The following RSPO2 variants were observed in gnomAD, a reference collection of about 807,000 sequenced individuals.
RSPO2 encodes the protein R-spondin 2, also known as R-spondin-2.
RSPO2 carries 14 observed loss-of-function variants against 30.9 expected under a neutral mutation model. The ratio of observed to expected loss-of-function variants is 0.45; its 90% CI spans 0.30 to 0.71. The LOEUF (loss-of-function observed/expected upper bound fraction) is 0.71, where lower values mean the gene tolerates loss of function less well. RSPO2 is among the 30% of genes least tolerant of loss of function. The pLI is 0.08. For missense variants in RSPO2, 264 were observed against 301.9 expected (o/e 0.87, Z 0.93); for synonymous variants, 107 against 96.4 (o/e 1.11, Z -0.64).
At chr8:108,019,216 T>A (rs1030332883) in intron 2 of RSPO2, among the ~76,000 whole-genome samples, 13 of 152,086 alleles carry the variant, frequency 8.5e-5, no homozygotes, top group Non-Finnish European at 5.9e-5. Flanking sequence ...TATCCGGCTG[T>A]GGTGGTGCAT....
intron 5 of RSPO2, among the ~76,000 whole-genome samples, chr8:107,913,723 T>C (rs1811892921): frequency 6.7e-6 from 1 of 150,158 alleles, no homozygotes; most frequent in Admixed American, 6.7e-5. Flanking sequence ...GTTAATTATA[T>C]TTTACAAACA....
intron 3 of RSPO2, among the ~76,000 whole-genome samples, chr8:107,978,933 C>G (rs111593243): frequency 0.095 from 14,421 of 152,188 alleles, 895 homozygotes; most frequent in East Asian, 0.22. Flanking sequence ...TGAAAAAATG[C>G]TCATCATCAC....
intron 2 of RSPO2, among the ~76,000 whole-genome samples, chr8:108,058,236 C>T (rs956426266): frequency 2.6e-5 from 4 of 152,142 alleles, no homozygotes; most frequent in Admixed American, 1.3e-4. Context: ...CATGAGTGAA[C>T]TCCCATTCAC....
intron 3 of RSPO2, among the ~76,000 whole-genome samples, chr8:107,970,068 C>T (rs1319061746): frequency 3.9e-5 from 6 of 152,082 alleles, no homozygotes; most frequent in Admixed American, 3.3e-4. Flanking sequence ...CTTTATACTC[C>T]AAATAGGCTA....
chr8:107,919,406 A>T (rs1220332466), intron 5 of RSPO2, among the ~76,000 whole-genome samples: 2 of 152,184 alleles, frequency 1.3e-5, no homozygotes, highest in Non-Finnish European at 2.9e-5. Flanking sequence ...AGACGATAAT[A>T]GCCCTTTCAC....
rs1586670960 is a variant in RSPO2 at position 108,063,013 on chromosome 8, G to T, written c.94+19532C>A. Among the ~76,000 whole-genome samples the T allele has an allele frequency of 2.0e-5, 3 of 151,854 alleles. No individual in the cohort carries two copies. In the South Asian group the frequency reaches 6.2e-4, roughly 32 times the overall value. Reference sequence around the variant, plus strand: ...ATGCTAAAAACTCTCAATAAATTAGGTATTGATAGGAAGTATCTCAAAATA... The same window carrying T: ...ATGCTAAAAACTCTCAATAAATTAGTTATTGATAGGAAGTATCTCAAAATA... On this transcript the variant is annotated intron_variant, in intron 2 of 5. Transcript: ENST00000276659.
chr8:107,984,269 TTTC>T (rs1814553352), intron 3 of RSPO2, among the ~76,000 whole-genome samples: 1 of 152,254 alleles, frequency 6.6e-6, no homozygotes, highest in Non-Finnish European at 1.5e-5. Flanking sequence ...AACAGTTATT[TTTC>T]TTATCTTCAG....
chr8:108,005,370 C>G (rs955749912), intron 2 of RSPO2, among the ~76,000 whole-genome samples: 1 of 152,092 alleles, frequency 6.6e-6, no homozygotes, highest in African/African-American at 2.4e-5. Context: ...TTCAAATTTT[C>G]ACACACTGGT....
intron 5 of RSPO2, among the ~76,000 whole-genome samples, chr8:107,930,239 G>T (rs962201047): frequency 6.6e-6 from 1 of 152,144 alleles, no homozygotes. Context: ...TAATCGCAAA[G>T]TTCACAGAGG....
chr8:107,999,185 TTATC>T (rs1296079913), intron 2 of RSPO2, among the ~76,000 whole-genome samples: 10 of 146,982 alleles, frequency 6.8e-5, no homozygotes, highest in Non-Finnish European at 1.5e-4. Context: ...TCATATTAAT[TTATC>T]TAACAATATT....
chr8:107,913,345 A>T (rs894714766), intron 5 of RSPO2, among the ~76,000 whole-genome samples: 2 of 152,168 alleles, frequency 1.3e-5, no homozygotes, highest in Non-Finnish European at 2.9e-5. Context: ...AAGTGGCTGA[A>T]TCTTTAAATT....
intron 3 of RSPO2, among the ~76,000 whole-genome samples, chr8:107,976,718 T>C (rs1403451369): frequency 2.0e-5 from 3 of 152,192 alleles, no homozygotes; most frequent in Admixed American, 6.5e-5. Context: ...TGGAAGCCAG[T>C]TGTGGACTGA....
chr8:108,077,834 C>A (rs998527911), intron 2 of RSPO2, among the ~76,000 whole-genome samples: 5 of 152,130 alleles, frequency 3.3e-5, no homozygotes, highest in African/African-American at 1.2e-4. Context: ...AGCTTCATGT[C>A]ATCTTAAATA....
At chr8:108,006,295 G>A (rs1040916199) in intron 2 of RSPO2, among the ~76,000 whole-genome samples, 1 of 152,042 alleles carries the variant, frequency 6.6e-6, no homozygotes, top group African/African-American at 2.4e-5. Context: ...TGTACAAAAG[G>A]ATATATTCAG....
chr8:107,950,496 T>TA lies in RSPO2; in HGVS notation c.616+7583_616+7584insT, dbSNP rs150839371. Among the ~76,000 whole-genome samples, 637 of 151,800 alleles carry TA rather than the reference T, an allele frequency of 4.2e-3. 3 individuals carry two copies. The highest frequency in any genetic ancestry group is 0.011 in the African/African-American group (474 of 41,480). On this transcript the variant is annotated intron_variant, in intron 5 of 5. Coordinates refer to ENST00000276659, the MANE Select transcript of RSPO2 (RefSeq NM_178565.5). ...TAATAGGTTACATTTTGGGGTGTTT[T>TA]TTTTTTACCATGTTATCTTATGTCT... is the stretch of plus-strand genomic sequence containing the variant.
intron 2 of RSPO2, among the ~76,000 whole-genome samples, chr8:108,070,069 A>G (rs1449763387): frequency 6.6e-6 from 1 of 152,192 alleles, no homozygotes; most frequent in African/African-American, 2.4e-5. Context: ...GAATTGAGGT[A>G]TACACCTTCT....
At chr8:108,032,746 T>C (rs1272783524) in intron 2 of RSPO2, among the ~76,000 whole-genome samples, 5 of 152,074 alleles carry the variant, frequency 3.3e-5, no homozygotes, top group Non-Finnish European at 7.4e-5. Flanking sequence ...TCCTCCTGCC[T>C]CAGCCTCCTG....
chr8:108,022,464 G>C (rs1409222443), intron 2 of RSPO2, among the ~76,000 whole-genome samples: 1 of 152,068 alleles, frequency 6.6e-6, no homozygotes, highest in Non-Finnish European at 1.5e-5. Flanking sequence ...TTATATGTGT[G>C]TATAGGTATA....
At chr8:108,047,159 C>T (rs1033876292) in intron 2 of RSPO2, among the ~76,000 whole-genome samples, 2 of 152,198 alleles carry the variant, frequency 1.3e-5, no homozygotes, top group African/African-American at 4.8e-5. Context: ...ATATTTTTAT[C>T]ACCTTCCTGC....
Sources: gnomAD v4.1 joint callset for allele counts (sites outside exome capture counted in the v4.1 genomes callset) on GRCh38, gnomAD v4.1.1 for gene constraint, MANE v1.5 for transcripts, NCBI Gene and HGNC (gene_info 2026-07-23, HGNC 2026-07-21) for gene names.